Variants in NCALD observed in about 807,000 individuals in gnomAD.
The protein encoded by NCALD is neurocalcin-delta.
In NCALD, 10 loss-of-function variants were observed where a neutral mutation model predicts 18.6. The ratio of observed to expected loss-of-function variants is 0.54; its 90% CI spans 0.33 to 0.91. NCALD has a LOEUF of 0.91. Ranked by LOEUF, NCALD falls within the 40% of genes least tolerant of loss-of-function variation. NCALD has a pLI of 0.03. For missense variants in NCALD, 184 were observed against 247.6 expected, an observed-to-expected ratio of 0.74 and a Z score of 1.72; for synonymous variants, 88 against 87.4, an observed-to-expected ratio of 1.01 and a Z score of -0.04.
intron 1 of NCALD, among the ~76,000 whole-genome samples, chr8:102,053,828 T>C (rs781218188): frequency 6.6e-6 from 1 of 152,226 alleles, no homozygotes; most frequent in Non-Finnish European, 1.5e-5. Context: ...AAAATATATA[T>C]AAGGAAGCTA....
intron 1 of NCALD, among the ~76,000 whole-genome samples, chr8:102,083,561 T>C (rs775229746): frequency 1.3e-5 from 2 of 152,196 alleles, no homozygotes; most frequent in Non-Finnish European, 2.9e-5. Flanking sequence ...GTATGTATTA[T>C]CAAAGTCAAA....
chr8:101,702,685 G>A (rs951969902), intron 2 of NCALD, among the ~76,000 whole-genome samples: 1 of 152,242 alleles, frequency 6.6e-6, no homozygotes, highest in African/African-American at 2.4e-5. Context: ...AACATGGGAA[G>A]AACTTTATGT....
intron 1 of NCALD, among the ~76,000 whole-genome samples, chr8:102,025,879 G>A (rs1421026973): frequency 2.0e-5 from 3 of 152,168 alleles, no homozygotes; most frequent in African/African-American, 7.2e-5. Context: ...ATAAAGAAAA[G>A]AGGTTTAATT....
chr8:101,821,699 T>A (rs1387193331), intron 4 of NCALD, among the ~76,000 whole-genome samples: 3 of 152,100 alleles, frequency 2.0e-5, no homozygotes, highest in African/African-American at 7.2e-5. Flanking sequence ...AAAGACAGAC[T>A]GGAAGCTGTG....
intron 1 of NCALD, among the ~76,000 whole-genome samples, chr8:101,740,355 C>A (rs572829538): frequency 6.6e-6 from 1 of 152,320 alleles, no homozygotes; most frequent in East Asian, 1.9e-4. Flanking sequence ...CTTGAAATAT[C>A]ATGAGAAAGG....
At chr8:101,882,438 A>T (rs923099641) in intron 4 of NCALD, among the ~76,000 whole-genome samples, 7 of 152,220 alleles carry the variant, frequency 4.6e-5, no homozygotes, top group Non-Finnish European at 1.0e-4. Context: ...ACGAACCAGG[A>T]AATAGGACCT....
intron 2 of NCALD, among the ~76,000 whole-genome samples, chr8:101,953,721 T>C (rs16868795): frequency 0.17 from 26,484 of 152,258 alleles, 2,481 homozygotes; most frequent in East Asian, 0.26. Context: ...GATGATCATG[T>C]GGATTTTAGA....
intron 1 of NCALD, among the ~76,000 whole-genome samples, chr8:102,068,030 TC>T (rs1824063825): frequency 6.6e-6 from 1 of 152,186 alleles, no homozygotes; most frequent in Non-Finnish European, 1.5e-5. Flanking sequence ...GGCTGTGTCT[TC>T]CAGTGTTTCA....
At chr8:101,718,946 T>C (rs923652588) in intron 2 of NCALD, among the ~76,000 whole-genome samples, 3 of 152,224 alleles carry the variant, frequency 2.0e-5, no homozygotes, top group African/African-American at 7.2e-5. Flanking sequence ...AATCATAATC[T>C]AGACATTCCT....
intron 4 of NCALD, among the ~76,000 whole-genome samples, chr8:101,828,274 C>T (rs1419615817): frequency 6.6e-6 from 1 of 152,180 alleles, no homozygotes; most frequent in Non-Finnish European, 1.5e-5. Context: ...GAATGAAAGC[C>T]CAAATCTTGC....
intron 1 of NCALD, among the ~76,000 whole-genome samples, chr8:102,035,859 A>G (rs1447999826): frequency 6.6e-6 from 1 of 152,186 alleles, no homozygotes; most frequent in Non-Finnish European, 1.5e-5. Context: ...AGTGACATTC[A>G]TGGCAACCCT....
rs190391654 is a variant in NCALD, at chr8:101,997,929, G to A, written c.-157+22308C>T. Among the ~76,000 whole-genome samples the A allele has an allele frequency of 2.6e-3, 390 of 152,138 alleles. 2 individuals carry two copies. The highest frequency in any genetic ancestry group is 8.9e-3 in the African/African-American group (368 of 41,492). ...AATAATGTATGCACAAATAATCAAC[G>A]AACAACTGGAAATGATTATTTAGTA... On this transcript the variant is annotated intron_variant, in intron 2 of 6. Transcript: ENST00000311028.
chr8:101,889,101 C>A (rs1395735639), intron 3 of NCALD, among the ~76,000 whole-genome samples: 1 of 152,216 alleles, frequency 6.6e-6, no homozygotes, highest in African/African-American at 2.4e-5. Flanking sequence ...CTGGCATTCA[C>A]TTTTTGTTCT....
At chr8:101,873,042 T>C (rs1816085849) in intron 4 of NCALD, among the ~76,000 whole-genome samples, 1 of 152,216 alleles carries the variant, frequency 6.6e-6, no homozygotes, top group Admixed American at 6.5e-5. Context: ...TCCCCACCAC[T>C]CCTCTCACTT....
Position 101,887,853 on chromosome 8 carries a change from A to G in NCALD, c.-106-626T>C, listed in dbSNP as rs1215451644. Reference sequence around the variant, plus strand: ...GCTGGGGAAAAAACCCAAAAGTAAGACTGGTTTTGGGAAACCATAAGTTTG... The same window carrying G: ...GCTGGGGAAAAAACCCAAAAGTAAGGCTGGTTTTGGGAAACCATAAGTTTG... On this transcript the variant is annotated intron_variant, in intron 3 of 6. Coordinates refer to the NCALD transcript ENST00000311028. Among the ~76,000 whole-genome samples the G allele has an allele frequency of 3.9e-5, 6 of 152,254 alleles. No individual in the cohort carries two copies. In the East Asian group the frequency reaches 1.2e-3, roughly 29 times the overall value.
At chr8:101,781,997 TA>T (rs201889425) in intron 1 of NCALD, among the ~76,000 whole-genome samples, 4,128 of 151,114 alleles carry the variant, frequency 0.027, 93 homozygotes, top group Middle Eastern at 0.049. Context: ...GAACACAACC[TA>T]ATTTTTCATT....
At chr8:101,810,063 G>C (rs1813250252) in intron 4 of NCALD, among the ~76,000 whole-genome samples, 1 of 152,298 alleles carries the variant, frequency 6.6e-6, no homozygotes, top group South Asian at 2.1e-4. Context: ...AACAAGAACA[G>C]AGAAGCAATT....
At chr8:101,835,952 G>A (rs1324416196) in intron 4 of NCALD, among the ~76,000 whole-genome samples, 1 of 152,070 alleles carries the variant, frequency 6.6e-6, no homozygotes, top group African/African-American at 2.4e-5. Context: ...GTCTAGAAAA[G>A]ATCTCCCTGT....
intron 4 of NCALD, among the ~76,000 whole-genome samples, chr8:101,829,478 G>A (rs186204271): frequency 4.7e-4 from 72 of 152,236 alleles, no homozygotes; most frequent in Admixed American, 3.2e-3. Flanking sequence ...GTGTACTTCT[G>A]GCATTAACTA....
Sources: allele counts gnomAD v4.1 joint callset (sites outside exome capture counted in the v4.1 genomes callset), GRCh38; gene constraint gnomAD v4.1.1; transcripts MANE v1.5; gene names NCBI Gene and HGNC (gene_info 2026-07-23, HGNC 2026-07-21).